The following ABCC6 variants were observed in gnomAD, a reference collection of about 807,000 sequenced individuals.
The protein encoded by ABCC6 is ATP binding cassette subfamily C member 6, also known as ATP-binding cassette sub-family C member 6.
Under a neutral mutation model 169.5 loss-of-function variants are expected in ABCC6, and 126 were observed. The observed-to-expected ratio is 0.74, with a 90% CI of 0.64 to 0.86. The LOEUF (loss-of-function observed/expected upper bound fraction) is 0.86. ABCC6 is among the 40% of genes least tolerant of loss of function. The pLI is 0.00. For synonymous variants in ABCC6, 752 were observed against 814.7 expected (o/e 0.92, Z 1.31); for missense variants, 1,733 against 1,927.2 (o/e 0.90, Z 1.89).
Position 16,182,815 on chromosome 16 carries a change from C to T in ABCC6, c.2059G>A (p.Val687Met), listed in dbSNP as rs368806440. 125 of 1,613,864 alleles carry T rather than the reference C, an allele frequency of 7.7e-5. No homozygotes were observed. The highest frequency in any genetic ancestry group is 1.6e-4 in the South Asian group (15 of 91,084). The change falls in exon 16 of 31, where the codon GTG becomes ATG. Residue 687 changes from valine to methionine, a missense_variant. By Grantham distance (21) the Val-to-Met change is conservative. Transcript: ENST00000205557. ...GGGGGTGGCCTCACCTCGATGCTCA[C>T]GAACCCCTCCACCTTTGACAGCTCC... is the stretch of plus-strand genomic sequence containing the variant. ...LGELSKVEGFVSIEGAVAYVP... is the reference protein window; with the variant it reads ...LGELSKVEGFMSIEGAVAYVP...
chr16:16,166,391 A>G (rs773864639), intron 22 of ABCC6, among the ~76,000 whole-genome samples: 2 of 151,918 alleles, frequency 1.3e-5, no homozygotes, highest in Non-Finnish European at 2.9e-5. Context: ...GTGTCCCCCA[A>G]AATTCATTTG....
At chr16:16,184,484 A>G (rs1467421639) in intron 15 of ABCC6, among the ~76,000 whole-genome samples, 1 of 152,034 alleles carries the variant, frequency 6.6e-6, no homozygotes, top group Non-Finnish European at 1.5e-5. Context: ...TACAAATACT[A>G]CCTGGGGCAT....
intron 29 of ABCC6, among the ~76,000 whole-genome samples, chr16:16,152,863 G>A (rs1310302806): frequency 6.6e-6 from 1 of 151,780 alleles, no homozygotes; most frequent in Non-Finnish European, 1.5e-5. Flanking sequence ...CACCCTCAGG[G>A]TCAGAGGGGT....
At chr16:16,213,456 T>G (rs1303783338) in intron 5 of ABCC6, among the ~76,000 whole-genome samples, 2 of 152,172 alleles carry the variant, frequency 1.3e-5, no homozygotes, top group African/African-American at 4.8e-5. Context: ...AATTGTTTCT[T>G]GATTTCACAG....
intron 26 of ABCC6, among the ~76,000 whole-genome samples, chr16:16,159,072 G>C (rs1233297060): frequency 1.3e-5 from 2 of 152,040 alleles, no homozygotes; most frequent in Admixed American, 6.5e-5. Flanking sequence ...TTGCTATTCT[G>C]GTACTGCAAT....
chr16:16,189,229 C>A lies in ABCC6; in HGVS notation c.1636-255G>T, dbSNP rs1391756948. ...CGCAGCCCCACGGCTCTAGGCATCA[C>A]TAGAACCTAGGGGAGAACCTAATGC... On this transcript the variant is annotated intron_variant, in intron 12 of 30. Coordinates refer to ENST00000205557, the MANE Select transcript of ABCC6 (RefSeq NM_001171.6). Among the ~76,000 whole-genome samples the A allele has an allele frequency of 2.0e-5, 3 of 152,234 alleles. No individual in the cohort carries two copies. The East Asian group carries it at 5.8e-4, about 29-fold the overall frequency.
chr16:16,192,803 G>T, intron 11 of ABCC6, 27 bp downstream of exon 11: 1 of 1,594,548 alleles, frequency 6.3e-7, no homozygotes, highest in Non-Finnish European at 8.6e-7. Context: ...CTTCCTGCCT[G>T]GTCCGTCCCT....
rs145693403 is a variant in ABCC6 at position 16,163,136 on chromosome 16, C to A, written c.3363G>T (p.Ser1121=). The A allele has an allele frequency of 6.2e-7, 1 of 1,613,788 alleles. No homozygotes were observed. Among genetic ancestry groups the A allele is most frequent in the South Asian group, 1.1e-5 (1 of 91,088 alleles). The part of the protein sequence containing the change: ...QLRRLESASY[S]SVCSHMAETF... ...TCTCAGCCATGTGGGAGCAGACAGA[C>A]GAGTAGCTGGCTGACTCCAAGCGTC... The change falls in exon 24 of 31, where the codon TCG becomes TCT. Residue 1121 remains serine (S), a synonymous_variant. Transcript: ENST00000205557.
intron 27 of ABCC6, among the ~76,000 whole-genome samples, chr16:16,156,825 C>T (rs1327719576): frequency 1.3e-5 from 2 of 151,604 alleles, no homozygotes; most frequent in African/African-American, 4.9e-5. Flanking sequence ...TGCCTGTAAT[C>T]CCAGCTACTC....
chr16:16,183,936 C>A (rs1056019546), intron 15 of ABCC6, among the ~76,000 whole-genome samples: 1 of 152,082 alleles, frequency 6.6e-6, no homozygotes, highest in African/African-American at 2.4e-5. Flanking sequence ...CACGGTGGCT[C>A]ATGCCTGTAA....
At chr16:16,208,292 G>C (rs2048459335) in intron 7 of ABCC6, among the ~76,000 whole-genome samples, 1 of 152,198 alleles carries the variant, frequency 6.6e-6, no homozygotes, top group South Asian at 2.1e-4. Context: ...GGAGGCGGCA[G>C]TGCCGCCAGA....
intron 6 of ABCC6, among the ~76,000 whole-genome samples, chr16:16,210,546 T>C (rs777997808): frequency 1.3e-5 from 2 of 152,246 alleles, no homozygotes; most frequent in Non-Finnish European, 2.9e-5. Context: ...AGTTCTCCTA[T>C]ATGGCAAGTG....
At chr16:16,164,516 A>C (rs974408141) in intron 23 of ABCC6, among the ~76,000 whole-genome samples, 1 of 152,164 alleles carries the variant, frequency 6.6e-6, no homozygotes, top group African/African-American at 2.4e-5. Context: ...CACATGATCC[A>C]CAAAGGGCCA....
chr16:16,179,529 T>C (rs2047400972), intron 17 of ABCC6, among the ~76,000 whole-genome samples: 3 of 151,946 alleles, frequency 2.0e-5, no homozygotes, highest in Admixed American at 2.0e-4. Flanking sequence ...CGGGGGATGG[T>C]TTCAGGACGA....
intron 1 of ABCC6, chr16:16,222,921 A>G (rs2049121031): frequency 4.7e-6 from 1 of 211,548 alleles, no homozygotes; most frequent in Admixed American, 5.3e-5. Context: ...AGCAAAGTTC[A>G]TAGCAGCATG....
At position 16,172,056 on chromosome 16, in the gene ABCC6, G is replaced by C. The variant is rs909471558; in HGVS notation, c.2787+1228C>G. 3.4e-3 allele frequency among the ~76,000 whole-genome samples: 88 copies of C among 26,004 alleles called. 1 individual carries two copies. Among genetic ancestry groups the C allele is most frequent in the African/African-American group, 4.2e-3 (28 of 6,684 alleles). The allele number at this position is 26,004 out of a possible 152,430, so 17.1% of individuals were successfully genotyped here. ...GTGGGATGCATAAATGAGTGGGATG[G>C]ATAAATGAGTGGGTGGGATGGATAA... On this transcript the variant is annotated intron_variant, in intron 21 of 30. Transcript: ENST00000205557.
In ABCC6 at chr16:16,154,608, C is replaced by T. The variant is rs778060143; in HGVS notation, c.4208+20G>A. 2.5e-6 allele frequency: 4 copies of T among 1,611,470 alleles called. No individual in the cohort carries two copies. In the African/African-American group the frequency reaches 4.0e-5, roughly 16 times the overall value. On this transcript the variant is annotated intron_variant, in intron 29 of 30. Transcript: ENST00000205557. ...CTCCTCTCCCACCTGCAGGTCCCAG[C>T]CATGGTGGGACGACCATACCTCAGG...
intron 19 of ABCC6, 60 bp from the exon 20 acceptor site, chr16:16,176,046 C>G (rs2047269218): frequency 6.5e-7 from 1 of 1,531,284 alleles, no homozygotes; most frequent in African/African-American, 1.4e-5. Flanking sequence ...TTGACACCCA[C>G]TGACTATGTG....
At chr16:16,193,618 G>GCAGGAGA (rs978171077) in intron 10 of ABCC6, among the ~76,000 whole-genome samples, 5 of 152,182 alleles carry the variant, frequency 3.3e-5, no homozygotes, top group African/African-American at 4.8e-5. Context: ...AGAGGCTGAG[G>GCAGGAGA]CAGGAGAATA....
Sources: allele counts gnomAD v4.1 joint callset (sites outside exome capture counted in the v4.1 genomes callset), GRCh38; gene constraint gnomAD v4.1.1; transcripts MANE v1.5; gene names NCBI Gene and HGNC (gene_info 2026-07-23, HGNC 2026-07-21).